PTPRD: variants seen among roughly 807,000 people sequenced by gnomAD.
PTPRD encodes receptor-type tyrosine-protein phosphatase delta.
In PTPRD, 34 loss-of-function variants were observed where a neutral mutation model predicts 214.5. The observed-to-expected ratio is 0.16, with a 90% CI of 0.12 to 0.21. The LOEUF is 0.21. PTPRD is among the 10% of genes least tolerant of loss of function. The probability of loss-of-function intolerance (pLI) is 1.00; values close to 1 mark genes in which losing one functional copy is unlikely to be tolerated. For missense variants in PTPRD, 2,545 were observed against 2,398.7 expected, an observed-to-expected ratio of 1.06 and a Z score of -1.27; for synonymous variants, 1,128 against 845.7, an observed-to-expected ratio of 1.33 and a Z score of -5.79.
At chr9:10,334,792 C>T (rs2096816524) in intron 3 of PTPRD, among the ~76,000 whole-genome samples, 1 of 151,392 alleles carries the variant, frequency 6.6e-6, no homozygotes, top group Non-Finnish European at 1.5e-5. Flanking sequence ...CTGTCTTAAC[C>T]ACCAGCAATT....
intron 39 of PTPRD, among the ~76,000 whole-genome samples, chr9:8,355,393 C>CT (rs747789367): frequency 1.3e-5 from 2 of 151,046 alleles, no homozygotes; most frequent in Non-Finnish European, 3.0e-5. Context: ...ACATTTATGT[C>CT]AGCTCTATCT....
intron 11 of PTPRD, among the ~76,000 whole-genome samples, chr9:8,934,352 C>A (rs1475149341): frequency 7.0e-6 from 1 of 143,200 alleles, no homozygotes; most frequent in African/African-American, 2.6e-5. Flanking sequence ...CCTACATTCC[C>A]CTTCCCAGCT....
intron 4 of PTPRD, among the ~76,000 whole-genome samples, chr9:9,969,239 G>A (rs1015410506): frequency 4.6e-5 from 7 of 152,074 alleles, no homozygotes; most frequent in African/African-American, 1.4e-4. Context: ...AAAAGGCTAG[G>A]GTGGCTGCAG....
At chr9:9,144,727 T>A (rs2099865815) in intron 10 of PTPRD, among the ~76,000 whole-genome samples, 1 of 151,972 alleles carries the variant, frequency 6.6e-6, no homozygotes, top group Non-Finnish European at 1.5e-5. Context: ...CACTCCAACC[T>A]AGGCGACAGA....
At chr9:10,575,644 G>C (rs1475621196) in intron 2 of PTPRD, among the ~76,000 whole-genome samples, 3 of 152,074 alleles carry the variant, frequency 2.0e-5, no homozygotes, top group Admixed American at 2.0e-4. Context: ...GCCAAGAAAA[G>C]AAAGTGGTCA....
At chr9:9,179,865 A>C (rs2099927147) in intron 10 of PTPRD, among the ~76,000 whole-genome samples, 1 of 152,112 alleles carries the variant, frequency 6.6e-6, no homozygotes, top group Non-Finnish European at 1.5e-5. Context: ...CCCTCATCCT[A>C]ACATGGAGAT....
chr9:8,755,158 C>G (rs1257882606), intron 11 of PTPRD, among the ~76,000 whole-genome samples: 2 of 151,550 alleles, frequency 1.3e-5, no homozygotes, highest in South Asian at 2.1e-4. Flanking sequence ...AAACATATAC[C>G]TACCACATCA....
intron 12 of PTPRD, among the ~76,000 whole-genome samples, chr9:8,678,509 T>C (rs1013397984): frequency 6.6e-6 from 1 of 152,138 alleles, no homozygotes; most frequent in Non-Finnish European, 1.5e-5. Context: ...TTTCAGGGCA[T>C]TCCAGAATTC....
intron 8 of PTPRD, among the ~76,000 whole-genome samples, chr9:9,513,396 T>C (rs1424904402): frequency 6.6e-6 from 1 of 152,016 alleles, no homozygotes; most frequent in Non-Finnish European, 1.5e-5. Flanking sequence ...CTCAAACTAT[T>C]TCAAAGAGAA....
chr9:9,045,126 G>T (rs982843331), intron 10 of PTPRD, among the ~76,000 whole-genome samples: 1 of 152,088 alleles, frequency 6.6e-6, no homozygotes, highest in Non-Finnish European at 1.5e-5. Flanking sequence ...CAAATTAGGA[G>T]CATGAAATAC....
intron 9 of PTPRD, among the ~76,000 whole-genome samples, chr9:9,363,306 T>C (rs559706487): frequency 1.3e-5 from 2 of 151,202 alleles, no homozygotes; most frequent in Non-Finnish European, 3.0e-5. Flanking sequence ...TTCTAGATAG[T>C]TGTAATGGAC....
chr9:10,389,487 G>A (rs1437762844), intron 2 of PTPRD, among the ~76,000 whole-genome samples: 2 of 151,882 alleles, frequency 1.3e-5, no homozygotes, highest in East Asian at 1.9e-4. Flanking sequence ...GGCATCACCT[G>A]TAACTGTTCC....
At position 8,853,603 on chromosome 9, in the gene PTPRD, G is replaced by A. The variant is rs556811837; in HGVS notation, c.-103-119657C>T. ...CATGAAATTACAGAAGCTTAAACAAGTGATGCTTGTTCAAATGAAATTTAC... is the reference window on the plus strand; with the variant it reads ...CATGAAATTACAGAAGCTTAAACAAATGATGCTTGTTCAAATGAAATTTAC... On this transcript the variant is annotated intron_variant, in intron 11 of 45. Coordinates refer to ENST00000381196, the MANE Select transcript of PTPRD (RefSeq NM_002839.4). Among the ~76,000 whole-genome samples, 77 of 152,294 alleles carry A rather than the reference G, an allele frequency of 5.1e-4. 1 individual carries two copies. The highest frequency in any genetic ancestry group is 1.8e-3 in the African/African-American group (75 of 41,578).
chr9:8,335,803 A>G (rs1846074753), intron 43 of PTPRD, among the ~76,000 whole-genome samples: 1 of 152,208 alleles, frequency 6.6e-6, no homozygotes, highest in Non-Finnish European at 1.5e-5. Flanking sequence ...CTCAGGATAA[A>G]GAATTAATGT....
chr9:10,125,427 TTATTATTATTATTATTATTA>T, intron 3 of PTPRD, among the ~76,000 whole-genome samples: 1 of 60,756 alleles, frequency 1.6e-5, no homozygotes. Flanking sequence ...TTTTATTTTA[TTATTATTATTATTATTATTA>T]TTATTATTAT....
rs2098095167 is a variant in PTPRD at position 10,392,825 on chromosome 9, G to A, written c.-599-51808C>T. Reference sequence around the variant, plus strand: ...AGCTTGGATATGTAAGGGAGCATGTGCTATTTTGGAAGTACAGACATTTGC... The same window carrying A: ...AGCTTGGATATGTAAGGGAGCATGTACTATTTTGGAAGTACAGACATTTGC... On this transcript the variant is annotated intron_variant, in intron 2 of 45. Coordinates refer to ENST00000381196, the MANE Select transcript of PTPRD (RefSeq NM_002839.4). 2.6e-5 allele frequency among the ~76,000 whole-genome samples: 4 copies of A among 151,838 alleles called. No individual in the cohort carries two copies. In the South Asian group the frequency reaches 8.3e-4, roughly 31 times the overall value.
chr9:8,813,667 C>T (rs1463177640), intron 11 of PTPRD, among the ~76,000 whole-genome samples: 3 of 152,204 alleles, frequency 2.0e-5, no homozygotes, highest in African/African-American at 4.8e-5. Context: ...GCCACCGCGC[C>T]GGGCCTTCCT....
intron 3 of PTPRD, among the ~76,000 whole-genome samples, chr9:10,217,766 G>C (rs1297629994): frequency 6.6e-6 from 1 of 151,886 alleles, no homozygotes; most frequent in Non-Finnish European, 1.5e-5. Flanking sequence ...CAGGCCATTG[G>C]GAGTTAACCA....
At chr9:8,497,751 A>G (rs1332319710) in intron 25 of PTPRD, among the ~76,000 whole-genome samples, 1 of 152,222 alleles carries the variant, frequency 6.6e-6, no homozygotes, top group African/African-American at 2.4e-5. Flanking sequence ...AAAAACAGCA[A>G]TTAATAAAGA....
Sources: allele counts gnomAD v4.1 joint callset (sites outside exome capture counted in the v4.1 genomes callset), GRCh38; gene constraint gnomAD v4.1.1; transcripts MANE v1.5; gene names NCBI Gene and HGNC (gene_info 2026-07-23, HGNC 2026-07-21).